MYO5C: variants seen among roughly 807,000 people sequenced by gnomAD.
MYO5C encodes the protein myosin VC, also known as unconventional myosin-Vc.
Under a neutral mutation model 235.7 loss-of-function variants are expected in MYO5C, and 194 were observed. The observed-to-expected ratio is 0.82, with a 90% CI of 0.73 to 0.93. The LOEUF is 0.93. MYO5C is among the 40% of genes least tolerant of loss of function. MYO5C has a pLI of 0.00. For synonymous variants in MYO5C, 707 were observed against 754.8 expected (o/e 0.94, Z 1.04); for missense variants, 2,038 against 2,127.2 (o/e 0.96, Z 0.82).
Position 52,239,868 on chromosome 15 carries a change from T to C in MYO5C, c.2568A>G (p.Glu856=). ...ARRRYRKMLE[E]HKAVILQKYA... ...ATTTCTGTAGGATCACAGCCTTATG[T>C]TCCTCCAGCATCTTTAAAACAAGAT... Residue 856 remains glutamate, a synonymous_variant, in exon 21 of 41, where the codon GAA becomes GAG. Transcript: ENST00000261839. 6.2e-7 allele frequency: 1 copy of C among 1,609,210 alleles called. No homozygotes were observed. Among genetic ancestry groups the C allele is most frequent in the African/African-American group, 1.3e-5 (1 of 74,828 alleles).
At chr15:52,223,810 C>T (rs2035756830) in intron 28 of MYO5C, 86 bp from the exon 29 acceptor site, 2 of 1,241,362 alleles carry the variant, frequency 1.6e-6, no homozygotes, top group African/African-American at 1.5e-5. Flanking sequence ...AGACCCACAA[C>T]AAGAGCCGTG....
chr15:52,283,380 T>C (rs2037200113), intron 1 of MYO5C, among the ~76,000 whole-genome samples: 1 of 152,224 alleles, frequency 6.6e-6, no homozygotes, highest in African/African-American at 2.4e-5. Context: ...TACGAAAGTA[T>C]TGTTACAGCA....
At chr15:52,286,295 C>T (rs1255419414) in intron 1 of MYO5C, among the ~76,000 whole-genome samples, 3 of 150,786 alleles carry the variant, frequency 2.0e-5, no homozygotes, top group Non-Finnish European at 4.4e-5. Flanking sequence ...CCCGGCCAGC[C>T]GCCCCGTCCG....
chr15:52,205,970 A>G lies in MYO5C; in HGVS notation c.4387-4T>C. 6.6e-7 allele frequency: 1 copy of G among 1,507,054 alleles called. No individual in the cohort carries two copies. Among genetic ancestry groups the G allele is most frequent in the African/African-American group, 1.4e-5 (1 of 72,044 alleles). 93.4% of individuals were successfully genotyped at this position (1,507,054 alleles called of 1,614,324 possible). On this transcript the variant is annotated splice_polypyrimidine_tract_variant and splice_region_variant and intron_variant, in intron 36 of 40. Transcript: ENST00000261839. Reference sequence around the variant, plus strand: ...GACTATTATGCTTCATGAATTCCTAAAAGTAATTTTAAACATAAAATATTA... The same window carrying G: ...GACTATTATGCTTCATGAATTCCTAGAAGTAATTTTAAACATAAAATATTA...
intron 21 of MYO5C, 89 bp downstream of exon 21, chr15:52,239,644 T>G: frequency 7.0e-7 from 1 of 1,419,072 alleles, no homozygotes; most frequent in South Asian, 1.4e-5. Flanking sequence ...ATGGCATAAA[T>G]TTTAATAGCA....
At chr15:52,270,651 C>T (rs74015657) in intron 7 of MYO5C, among the ~76,000 whole-genome samples, 22 of 150,024 alleles carry the variant, frequency 1.5e-4, no homozygotes, top group African/African-American at 3.7e-4. Context: ...TATATATACA[C>T]ACATTTATAT....
In MYO5C at chr15:52,253,311, A is replaced by G; in HGVS notation, c.1536+6T>C. ...GCTGAAAAAAACAATTATTCTTAAA[A>G]GTTACCAAACATTCTTCATCCAGTA... On this transcript the variant is annotated splice_donor_region_variant and intron_variant, in intron 12 of 40. Coordinates refer to ENST00000261839, the MANE Select transcript of MYO5C (RefSeq NM_018728.4). 1 of 1,600,138 alleles carries G rather than the reference A, an allele frequency of 6.2e-7. No homozygotes were observed. The highest frequency in any genetic ancestry group is 1.1e-5 in the South Asian group (1 of 88,868).
chr15:52,279,054 A>T, intron 3 of MYO5C, 37 bp from the exon 4 acceptor site: 1 of 1,565,662 alleles, frequency 6.4e-7, no homozygotes, highest in Non-Finnish European at 8.7e-7. Flanking sequence ...AAATACTCTT[A>T]CTGCCACCTG....
At chr15:52,218,116 A>T (rs2035594315) in intron 32 of MYO5C, among the ~76,000 whole-genome samples, 1 of 152,208 alleles carries the variant, frequency 6.6e-6, no homozygotes, top group South Asian at 2.1e-4. Flanking sequence ...TTTGACTCTA[A>T]AAATTGTAGG....
intron 1 of MYO5C, among the ~76,000 whole-genome samples, chr15:52,286,346 G>A (rs1233139294): frequency 4.7e-5 from 7 of 149,070 alleles, no homozygotes; most frequent in Admixed American, 2.7e-4. Flanking sequence ...CCGGCCAGCC[G>A]CCCCGTCCGG....
At chr15:52,207,238 GCAGT>G (rs2035341276) in intron 36 of MYO5C, among the ~76,000 whole-genome samples, 1 of 152,126 alleles carries the variant, frequency 6.6e-6, no homozygotes, top group African/African-American at 2.4e-5. Context: ...AACTGAAAAA[GCAGT>G]CAGACAGGGA....
intron 1 of MYO5C, among the ~76,000 whole-genome samples, chr15:52,287,090 A>G (rs1204103542): frequency 1.3e-5 from 2 of 152,192 alleles, no homozygotes; most frequent in Non-Finnish European, 2.9e-5. Flanking sequence ...TTAATCAATA[A>G]AACAGAAAAG....
chr15:52,202,928 G>GT (rs67608739), intron 38 of MYO5C, among the ~76,000 whole-genome samples: 2,516 of 146,100 alleles, frequency 0.017, 85 homozygotes, highest in African/African-American at 0.059. Context: ...ATTTTTTTTT[G>GT]TTTTTTTTTT....
At chr15:52,208,048 T>A (rs2035360270) in intron 36 of MYO5C, among the ~76,000 whole-genome samples, 1 of 152,214 alleles carries the variant, frequency 6.6e-6, no homozygotes, top group Non-Finnish European at 1.5e-5. Context: ...TACAGCCATT[T>A]TGGAGAGCAC....
At chr15:52,258,031 G>C (rs1387183581) in intron 10 of MYO5C, among the ~76,000 whole-genome samples, 1 of 152,188 alleles carries the variant, frequency 6.6e-6, no homozygotes, top group Non-Finnish European at 1.5e-5. Context: ...GGCCAGGGCT[G>C]GGCCTGGGGG....
chr15:52,229,039 C>T lies in MYO5C; in HGVS notation c.3207+94G>A. 2.7e-6 allele frequency: 4 copies of T among 1,490,180 alleles called. No individual in the cohort carries two copies. The Admixed American group carries it at 7.4e-5, about 28-fold the overall frequency. The allele number at this position is 1,490,180 out of a possible 1,614,324, so 92.3% of individuals were successfully genotyped here. A position where few individuals can be genotyped will look rare whatever the true frequency, so the allele number is the denominator to read the frequency against. ...AGGCTCCAGTTGCCTGTGGCCTTTA[C>T]ACAGATGCTTTTAGCTGTCTAATCT... On this transcript the variant is annotated intron_variant, in intron 25 of 40. Transcript: ENST00000261839.
chr15:52,244,184 T>C (rs953536856), intron 19 of MYO5C, among the ~76,000 whole-genome samples, 172 bp downstream of exon 19: 1 of 151,916 alleles, frequency 6.6e-6, no homozygotes, highest in African/African-American at 2.4e-5. Context: ...TACCTGCCCC[T>C]GAGAGACGGA....
chr15:52,218,256 G>A lies in MYO5C; in HGVS notation c.3954+263C>T, dbSNP rs1022847103. ...CAGTGACTCCATCCTGGGTGGTGCC[G>A]TGCACTGATAGTGCTGGGGAACTAC... On this transcript the variant is annotated intron_variant, in intron 32 of 40. Coordinates refer to ENST00000261839, the MANE Select transcript of MYO5C (RefSeq NM_018728.4). Among the ~76,000 whole-genome samples the A allele has an allele frequency of 6.6e-5, 10 of 152,106 alleles. No individual in the cohort carries two copies. The South Asian group carries it at 8.3e-4, about 13-fold the overall frequency.
At chr15:52,197,446 G>A (rs1449493290) in intron 38 of MYO5C, among the ~76,000 whole-genome samples, 1 of 152,170 alleles carries the variant, frequency 6.6e-6, no homozygotes, top group African/African-American at 2.4e-5. Context: ...AATCTGTAGA[G>A]AAAGAAAACA....
Sources: allele counts gnomAD v4.1 joint callset (sites outside exome capture counted in the v4.1 genomes callset), GRCh38; gene constraint gnomAD v4.1.1; transcripts MANE v1.5; gene names NCBI Gene and HGNC (gene_info 2026-07-23, HGNC 2026-07-21).